Variants in OXR1 observed in about 807,000 individuals in gnomAD.
OXR1 encodes the protein oxidation resistance 1.
A neutral mutation model predicts 104.6 loss-of-function variants in OXR1; 41 were observed. The observed-to-expected ratio is 0.39, with a 90% confidence interval of 0.31 to 0.51. The LOEUF (loss-of-function observed/expected upper bound fraction) is 0.51. Among genes scored for constraint, OXR1 ranks in the 20% least tolerant of loss-of-function variants. The pLI, the probability that OXR1 is intolerant of heterozygous loss-of-function variation, is 0.77. For synonymous variants in OXR1, 348 were observed against 348.4 expected (o/e 1.00, Z 0.01); for missense variants, 955 against 1,031.9 (o/e 0.93, Z 1.02).
intron 1 of OXR1, among the ~76,000 whole-genome samples, chr8:106,285,531 G>A (rs1008673154): frequency 6.6e-5 from 10 of 151,958 alleles, no homozygotes; most frequent in Admixed American, 3.9e-4. Flanking sequence ...CCCCATATGT[G>A]CAATTTCTGA....
At chr8:106,516,859 ATC>A (rs1029391417) in intron 2 of OXR1, among the ~76,000 whole-genome samples, 2 of 152,106 alleles carry the variant, frequency 1.3e-5, no homozygotes, top group African/African-American at 4.8e-5. Flanking sequence ...ATTATTGTTA[ATC>A]TCTTACTGTG....
chr8:106,388,782 A>G (rs1036996774), intron 2 of OXR1, among the ~76,000 whole-genome samples: 2 of 152,192 alleles, frequency 1.3e-5, no homozygotes, highest in African/African-American at 2.4e-5. Context: ...CCATTTTACT[A>G]TCTTGCACCT....
At chr8:106,389,643 G>T (rs1055481951) in intron 2 of OXR1, among the ~76,000 whole-genome samples, 4 of 152,170 alleles carry the variant, frequency 2.6e-5, no homozygotes, top group Admixed American at 2.0e-4. Flanking sequence ...CTCCCAAAGA[G>T]AAGTATAAAT....
At chr8:106,589,912 C>T (rs939712528) in intron 3 of OXR1, among the ~76,000 whole-genome samples, 2 of 152,152 alleles carry the variant, frequency 1.3e-5, no homozygotes, top group Non-Finnish European at 2.9e-5. Context: ...GGTGACCCGC[C>T]CACCTCAGCC....
At chr8:106,392,646 G>T (rs536165813) in intron 2 of OXR1, among the ~76,000 whole-genome samples, 1 of 152,240 alleles carries the variant, frequency 6.6e-6, no homozygotes, top group African/African-American at 2.4e-5. Context: ...TTGGTAATGG[G>T]TGGGAATTTC....
rs370677601 is a variant in OXR1, at chr8:106,739,602, T to C, written c.2163+19T>C. On this transcript the variant is annotated intron_variant, in intron 13 of 16. Transcript: ENST00000517566. ...TGAAAAGGTATGACATGCTCACATATGTGCATTTCTGAGTGTGAGTGTGTA... is the reference window on the plus strand; with the variant it reads ...TGAAAAGGTATGACATGCTCACATACGTGCATTTCTGAGTGTGAGTGTGTA... 1.9e-6 allele frequency: 3 copies of C among 1,611,154 alleles called. No individual in the cohort carries two copies. Among genetic ancestry groups the C allele is most frequent in the South Asian group, 1.1e-5 (1 of 90,982 alleles).
rs140181432 is a variant in OXR1 at position 106,589,264 on chromosome 8, C to A, written c.220+70125C>A. On this transcript the variant is annotated intron_variant, in intron 3 of 16. Coordinates refer to ENST00000517566, the MANE Select transcript of OXR1 (RefSeq NM_001198533.2). ...CCCTCCAGGTGGGAGAGAGTTCCAT[C>A]GCAGGGCACACCTTAGGTTGTAAAT... Among the ~76,000 whole-genome samples, 503 of 151,806 alleles carry A rather than the reference C, an allele frequency of 3.3e-3. 3 individuals carry two copies. Among genetic ancestry groups the A allele is most frequent in the African/African-American group, 0.011 (453 of 41,376 alleles).
intron 2 of OXR1, among the ~76,000 whole-genome samples, chr8:106,380,326 T>G (rs1324687668): frequency 6.6e-6 from 1 of 152,184 alleles, no homozygotes; most frequent in African/African-American, 2.4e-5. Context: ...CCAAATAATA[T>G]TCCATTGAAT....
intron 3 of OXR1, among the ~76,000 whole-genome samples, chr8:106,672,498 AAGAG>A (rs937048709): frequency 1.2e-4 from 13 of 109,048 alleles, no homozygotes; most frequent in African/African-American, 2.7e-4. Context: ...GAAAGAAAGA[AAGAG>A]AGAGAAAGAA....
chr8:106,488,007 C>T (rs1212628677), intron 2 of OXR1, among the ~76,000 whole-genome samples: 1 of 148,354 alleles, frequency 6.7e-6, no homozygotes, highest in Non-Finnish European at 1.5e-5. Context: ...CACTGACTTC[C>T]ACAATGGTTG....
At chr8:106,493,912 G>A (rs1008791141) in intron 2 of OXR1, among the ~76,000 whole-genome samples, 3 of 152,152 alleles carry the variant, frequency 2.0e-5, no homozygotes, top group African/African-American at 7.2e-5. Context: ...GGGTATCAAA[G>A]TAGCTCTGCA....
chr8:106,581,632 C>T (rs7822992), intron 3 of OXR1, among the ~76,000 whole-genome samples: 93 of 151,974 alleles, frequency 6.1e-4, no homozygotes, highest in African/African-American at 1.9e-3. Flanking sequence ...TAAACATGAA[C>T]GCAGATGAAT....
intron 1 of OXR1, among the ~76,000 whole-genome samples, chr8:106,275,596 G>A (rs1378951756): frequency 6.6e-6 from 1 of 152,180 alleles, no homozygotes; most frequent in African/African-American, 2.4e-5. Flanking sequence ...ATGCTTTAAA[G>A]TATACTTGTT....
rs569632329 is a variant in OXR1 at position 106,523,283 on chromosome 8, C to G, written c.220+4144C>G. ...AGGATCACCCAGGTAATTTTTCTGT[C>G]TTAAGGTCCACACAACCTAATCACA... On this transcript the variant is annotated intron_variant, in intron 3 of 16. Coordinates refer to ENST00000517566, the MANE Select transcript of OXR1 (RefSeq NM_001198533.2). Among the ~76,000 whole-genome samples the G allele has an allele frequency of 3.9e-5, 6 of 152,302 alleles. No homozygotes were observed. In the East Asian group the frequency reaches 1.2e-3, roughly 29 times the overall value.
At chr8:106,360,045 T>C (rs1816172823) in intron 2 of OXR1, among the ~76,000 whole-genome samples, 1 of 152,174 alleles carries the variant, frequency 6.6e-6, no homozygotes, top group African/African-American at 2.4e-5. Flanking sequence ...TCAGGTTTTA[T>C]ATTTCAACAA....
chr8:106,720,752 A>G (rs111343085), intron 11 of OXR1: 13 of 934,404 alleles, frequency 1.4e-5, no homozygotes, highest in African/African-American at 1.1e-4. Context: ...CTGTAAGTCA[A>G]TGATCTTTGA....
intron 2 of OXR1, among the ~76,000 whole-genome samples, chr8:106,369,295 T>A (rs1305688191): frequency 6.6e-6 from 1 of 152,232 alleles, no homozygotes; most frequent in African/African-American, 2.4e-5. Flanking sequence ...TTCTGAATAT[T>A]AGACCTTTGT....
intron 2 of OXR1, among the ~76,000 whole-genome samples, chr8:106,474,133 T>G (rs905391458): frequency 1.3e-5 from 2 of 151,330 alleles, no homozygotes; most frequent in Non-Finnish European, 3.0e-5. Context: ...GTTTTGTTTT[T>G]TTTTTTAATT....
At chr8:106,579,775 A>C (rs983652537) in intron 3 of OXR1, among the ~76,000 whole-genome samples, 1 of 151,676 alleles carries the variant, frequency 6.6e-6, no homozygotes, top group African/African-American at 2.4e-5. Context: ...TATATGCTTG[A>C]TTTCATATAA....
Sources: allele counts gnomAD v4.1 joint callset (sites outside exome capture counted in the v4.1 genomes callset), GRCh38; gene constraint gnomAD v4.1.1; transcripts MANE v1.5; gene names NCBI Gene and HGNC (gene_info 2026-07-23, HGNC 2026-07-21).